Variants in ARHGAP35 observed in about 807,000 individuals in gnomAD.
ARHGAP35 encodes Rho GTPase activating protein 35, also known as rho GTPase-activating protein 35.
In ARHGAP35, 15 loss-of-function variants were observed where a neutral mutation model predicts 111.1. The observed-to-expected ratio is 0.13, with a 90% CI of 0.09 to 0.21. The LOEUF (loss-of-function observed/expected upper bound fraction) is 0.21, where lower values mean the gene tolerates loss of function less well. ARHGAP35 is among the 10% of genes least tolerant of loss of function. The pLI is 1.00. For synonymous variants in ARHGAP35, 643 were observed against 710.3 expected, an observed-to-expected ratio of 0.91 and a Z score of 1.51; for missense variants, 1,262 against 1,873.0, an observed-to-expected ratio of 0.67 and a Z score of 6.02.
intron 3 of ARHGAP35, among the ~76,000 whole-genome samples, chr19:46,980,596 T>G (rs1037975608): frequency 6.6e-6 from 1 of 152,208 alleles, no homozygotes; most frequent in Non-Finnish European, 1.5e-5. Flanking sequence ...CAAACTGTCT[T>G]GTTTTGGCCA....
rs2056667718 is a variant in ARHGAP35 at position 46,989,369 on chromosome 19, C to T, written c.3905-175C>T. 1.3e-6 allele frequency: 1 copy of T among 751,276 alleles called. No individual in the cohort carries two copies. The allele number at this position is 751,276 out of a possible 1,614,324, so 46.5% of individuals were successfully genotyped here. A position where few individuals can be genotyped will look rare whatever the true frequency, so the allele number is the denominator to read the frequency against. ...AAAGAGGTGCTGGGGCCAGCCCATG[C>T]CTGAACCTCAGAACTCGCGTTAGCG... is the stretch of plus-strand genomic sequence containing the variant. On this transcript the variant is annotated intron_variant, in intron 4 of 6. Coordinates refer to ENST00000672722, the MANE Select transcript of ARHGAP35 (RefSeq NM_004491.5). This position sits in a 1 kb window ranked among gnomAD's most constrained non-coding sequence, Gnocchi z 5.3.
intron 1 of ARHGAP35, among the ~76,000 whole-genome samples, chr19:46,868,176 G>T (rs1307368179): frequency 1.3e-5 from 2 of 152,172 alleles, no homozygotes; most frequent in South Asian, 4.1e-4. Context: ...CTCTGGCCCA[G>T]TATACTTTAA....
At chr19:46,966,763 C>CAAG (rs1225190722) in intron 3 of ARHGAP35, among the ~76,000 whole-genome samples, 1 of 152,030 alleles carries the variant, frequency 6.6e-6, no homozygotes, top group Non-Finnish European at 1.5e-5. Context: ...TTTTTGAAGC[C>CAAG]AAGAAGATCC....
At chr19:46,902,723 T>C (rs555949236) in intron 1 of ARHGAP35, among the ~76,000 whole-genome samples, 12 of 152,300 alleles carry the variant, frequency 7.9e-5, no homozygotes, top group Non-Finnish European at 1.6e-4. Flanking sequence ...ATGACACATA[T>C]ATTTTAATCG....
chr19:46,874,589 C>T (rs974832062), intron 1 of ARHGAP35, among the ~76,000 whole-genome samples: 3 of 147,896 alleles, frequency 2.0e-5, no homozygotes, highest in African/African-American at 7.5e-5. Flanking sequence ...ACAGCAACCT[C>T]CGCCTCCTGC....
At chr19:46,895,718 C>G (rs938362251) in intron 1 of ARHGAP35, among the ~76,000 whole-genome samples, 2 of 152,174 alleles carry the variant, frequency 1.3e-5, no homozygotes, top group South Asian at 2.1e-4. Context: ...ATTGAATCCT[C>G]TGACTTTGGG....
At chr19:46,871,201 G>C (rs532476526) in intron 1 of ARHGAP35, among the ~76,000 whole-genome samples, 1 of 152,284 alleles carries the variant, frequency 6.6e-6, no homozygotes, top group South Asian at 2.1e-4. Flanking sequence ...GTTAATTCCA[G>C]ATTATTTTGA....
intron 1 of ARHGAP35, among the ~76,000 whole-genome samples, chr19:46,888,247 C>T (rs1159030766): frequency 4.2e-5 from 5 of 120,222 alleles, no homozygotes; most frequent in African/African-American, 6.2e-5. Context: ...CCACCGCACC[C>T]GGCCTCAATC....
chr19:46,893,339 A>G (rs1452248798), intron 1 of ARHGAP35, among the ~76,000 whole-genome samples: 1 of 152,106 alleles, frequency 6.6e-6, no homozygotes, highest in Non-Finnish European at 1.5e-5. Flanking sequence ...CTTTTTGAAC[A>G]TATAATAGAG....
intron 1 of ARHGAP35, among the ~76,000 whole-genome samples, chr19:46,895,928 C>A (rs1203781575): frequency 1.3e-5 from 2 of 151,892 alleles, no homozygotes; most frequent in Non-Finnish European, 2.9e-5. Flanking sequence ...CATGGTGAAA[C>A]CCCATCTCTA....
intron 1 of ARHGAP35, among the ~76,000 whole-genome samples, chr19:46,906,205 G>T (rs2056106966): frequency 6.6e-6 from 1 of 151,988 alleles, no homozygotes; most frequent in African/African-American, 2.4e-5. Context: ...AGCTACTTGG[G>T]AGGCTTGGTG....
In ARHGAP35 at chr19:46,918,921, C is replaced by T; in HGVS notation, c.246C>T (p.Ser82=). 6 of 1,613,908 alleles carry T rather than the reference C, an allele frequency of 3.7e-6. No individual in the cohort carries two copies. Among genetic ancestry groups the T allele is most frequent in the Non-Finnish European group, 5.1e-6 (6 of 1,179,878 alleles). ...HFLYWGEVSR[S]LEDCVECKMH... ...TCTACTGGGGAGAAGTTAGCCGCTC[C>T]CTGGAGGATTGTGTGGAATGTAAGA... Residue 82 remains serine, a synonymous_variant, in exon 2 of 7, where the codon TCC becomes TCT. Transcript: ENST00000672722. The surrounding 1 kb of genome is among the most constrained non-coding windows in gnomAD (Gnocchi z 5.4).
At chr19:46,930,468 A>G (rs1327374536) in intron 2 of ARHGAP35, among the ~76,000 whole-genome samples, 2 of 149,392 alleles carry the variant, frequency 1.3e-5, no homozygotes, top group Non-Finnish European at 3.0e-5. Context: ...GCACTTTGAA[A>G]AAAAAAAAAA....
chr19:46,864,048 G>A (rs2055842883), intron 1 of ARHGAP35, among the ~76,000 whole-genome samples: 1 of 152,244 alleles, frequency 6.6e-6, no homozygotes, highest in South Asian at 2.1e-4. Flanking sequence ...GCAGATCCAT[G>A]CTAGATTCTG....
intron 1 of ARHGAP35, among the ~76,000 whole-genome samples, chr19:46,891,994 A>C: frequency 6.6e-6 from 1 of 151,486 alleles, no homozygotes; most frequent in Non-Finnish European, 1.5e-5. Flanking sequence ...TACAAAAATT[A>C]GCCAGGTGTT....
intron 1 of ARHGAP35, among the ~76,000 whole-genome samples, chr19:46,868,236 A>G (rs2055869006): frequency 1.3e-5 from 2 of 152,188 alleles, no homozygotes; most frequent in African/African-American, 4.8e-5. Context: ...GACACAGTTA[A>G]TAAGTAGTAA....
intron 1 of ARHGAP35, among the ~76,000 whole-genome samples, chr19:46,888,054 C>A (rs535548158): frequency 5.3e-5 from 8 of 150,146 alleles, no homozygotes; most frequent in Admixed American, 2.0e-4. Context: ...TGGGTTCATG[C>A]CATTCTCCTG....
intron 2 of ARHGAP35, among the ~76,000 whole-genome samples, chr19:46,932,026 A>G (rs2056275867): frequency 6.6e-6 from 1 of 152,220 alleles, no homozygotes; most frequent in South Asian, 2.1e-4. Context: ...TCACACCTGT[A>G]ATCCCAGCAC....
rs1458805070 is a variant in ARHGAP35, at chr19:46,945,142, C to T, written c.3826+7734C>T. On this transcript the variant is annotated intron_variant, in intron 3 of 6. Transcript: ENST00000672722. The surrounding 1 kb of genome is among the most constrained non-coding windows in gnomAD (Gnocchi z 4.1). Reference sequence around the variant, plus strand: ...GTCACTGCCACAGCTGCTCTGGGACCGCCACTGAGAGTGGGAAGGAGGCGG... The same window carrying T: ...GTCACTGCCACAGCTGCTCTGGGACTGCCACTGAGAGTGGGAAGGAGGCGG... Among the ~76,000 whole-genome samples the T allele has an allele frequency of 2.0e-5, 3 of 152,008 alleles. No individual in the cohort carries two copies. The highest frequency in any genetic ancestry group is 4.2e-4 in the South Asian group (2 of 4,818).
Sources: allele counts gnomAD v4.1 joint callset (sites outside exome capture counted in the v4.1 genomes callset), GRCh38; gene constraint gnomAD v4.1.1; non-coding constraint Gnocchi (gnomAD v3.1); transcripts MANE v1.5; gene names NCBI Gene and HGNC (gene_info 2026-07-23, HGNC 2026-07-21).